The following MCM8 variants were observed in gnomAD, a reference collection of about 807,000 sequenced individuals.
MCM8 encodes the protein DNA helicase MCM8.
Under a neutral mutation model 98.9 loss-of-function variants are expected in MCM8, and 85 were observed. The observed-to-expected ratio is 0.86, with a 90% CI of 0.72 to 1.03. The LOEUF (loss-of-function observed/expected upper bound fraction) is 1.03, where lower values mean the gene tolerates loss of function less well. MCM8 is among the 50% of genes least tolerant of loss of function. The pLI is 0.00. For synonymous variants in MCM8, 352 were observed against 338.6 expected (o/e 1.04, Z -0.44); for missense variants, 951 against 997.8 (o/e 0.95, Z 0.63).
intron 10 of MCM8, among the ~76,000 whole-genome samples, chr20:5,970,619 A>G (rs78651512): frequency 6.6e-6 from 1 of 152,204 alleles, no homozygotes; most frequent in South Asian, 2.1e-4. Flanking sequence ...TGCAGATGCC[A>G]GTAGGAAGCC....
At chr20:5,956,349 A>C (rs902646938) in intron 5 of MCM8, among the ~76,000 whole-genome samples, 2 of 152,228 alleles carry the variant, frequency 1.3e-5, no homozygotes, top group East Asian at 3.8e-4. Context: ...ACAGCTGTAT[A>C]TATGCATCTT....
rs554755954 is a variant in MCM8, at chr20:5,995,829, A to G, written c.*1438A>G. ...AATGTGAACCATTGTTGGAGAATCT[A>G]CTAAAATACGGCTTCCCGCAAACGA... On this transcript the variant is annotated 3_prime_UTR_variant, in exon 19 of 19. Coordinates refer to ENST00000610722, the MANE Select transcript of MCM8 (RefSeq NM_032485.6). 6.6e-6 allele frequency: 1 copy of G among 152,376 alleles called. No individual in the cohort carries two copies. The highest frequency in any genetic ancestry group is 1.9e-4 in the East Asian group (1 of 5,188). 9.4% of individuals were successfully genotyped at this position (152,376 alleles called of 1,614,324 possible).
In MCM8 at chr20:5,981,339, G is replaced by T. The variant is rs900807781; in HGVS notation, c.1538-1631G>T. 4.6e-5 allele frequency among the ~76,000 whole-genome samples: 7 copies of T among 152,294 alleles called. No individual in the cohort carries two copies. In the East Asian group the frequency reaches 5.8e-4, roughly 13 times the overall value. On this transcript the variant is annotated intron_variant, in intron 13 of 18. Transcript: ENST00000610722. ...TACCACTGCTAGGATCTTAGCACAG[G>T]CAGGGAAGGCTCACTATGTCCCAGA...
In MCM8 at chr20:5,998,902, C is replaced by T. The variant is rs981528276; in HGVS notation, c.*4511C>T. ...AAAGGCAGAGTGCACCTATTGAATT[C>T]CATCATCAGTTTTTCTATACCATGG... On this transcript the variant is annotated 3_prime_UTR_variant, in exon 19 of 19. Transcript: ENST00000610722. 3 of 152,058 alleles carry T rather than the reference C, an allele frequency of 2.0e-5. No homozygotes were observed. Among genetic ancestry groups the T allele is most frequent in the African/African-American group, 7.2e-5 (3 of 41,394 alleles). 9.4% of individuals were successfully genotyped at this position (152,058 alleles called of 1,614,324 possible).
intron 10 of MCM8, 59 bp downstream of exon 10, chr20:5,968,084 C>A (rs1007868780): frequency 1.4e-6 from 2 of 1,456,762 alleles, no homozygotes; most frequent in Admixed American, 2.1e-5. Context: ...GTTCTCTTGG[C>A]TACAGGTAAC....
In MCM8 at chr20:5,984,920, G is replaced by A; in HGVS notation, c.1873G>A (p.Val625Ile). 1 of 1,614,148 alleles carries A rather than the reference G, an allele frequency of 6.2e-7. No homozygotes were observed. The highest frequency in any genetic ancestry group is 1.6e-4 in the Middle Eastern group (1 of 6,062). The stretch of plus-strand genomic sequence containing the variant: ...GCAGAGAACCATTAGCAGTGCCACA[G>A]TAGCTCGTATGAATAGTCAAGATTC... Reference protein sequence around the residue: ...GKQRTISSATVARMNSQDSNT... With the variant: ...GKQRTISSATIARMNSQDSNT... The change falls in exon 15 of 19, where the codon GTA becomes ATA. Residue 625 changes from valine (V) to isoleucine (I), a missense_variant. Coordinates refer to ENST00000610722, the MANE Select transcript of MCM8 (RefSeq NM_032485.6).
At chr20:5,973,943 C>G (rs2089457002) in intron 12 of MCM8, among the ~76,000 whole-genome samples, 1 of 152,114 alleles carries the variant, frequency 6.6e-6, no homozygotes, top group Admixed American at 6.5e-5. Flanking sequence ...GTGTGAGCCA[C>G]CACGCTCTGT....
At chr20:5,963,407 T>A (rs2040007102) in intron 8 of MCM8, 48 bp downstream of exon 8, 2 of 1,396,966 alleles carry the variant, frequency 1.4e-6, no homozygotes, top group South Asian at 2.3e-5. Flanking sequence ...GATGTCACAC[T>A]GTTGAGAAAA....
Position 5,950,780 on chromosome 20 carries a change from GT to G in MCM8, c.-246del, listed in dbSNP as rs2088799021. On this transcript the variant is annotated 5_prime_UTR_variant, in exon 1 of 19. Transcript: ENST00000610722. ...CTGGAAGCTGCGGTGGGGAAACTGAGTTTCCCGAGCCGTTGAGACAGATGGG... is the reference window on the plus strand; with the variant it reads ...CTGGAAGCTGCGGTGGGGAAACTGAGTTCCCGAGCCGTTGAGACAGATGGG... The G allele has an allele frequency of 5.9e-6, 1 of 169,764 alleles. No individual in the cohort carries two copies. Among genetic ancestry groups the G allele is most frequent in the Non-Finnish European group, 1.3e-5 (1 of 78,968 alleles). 10.5% of individuals were successfully genotyped at this position (169,764 alleles called of 1,614,324 possible).
intron 13 of MCM8, among the ~76,000 whole-genome samples, chr20:5,978,461 A>G (rs1279572296): frequency 6.6e-6 from 1 of 152,188 alleles, no homozygotes; most frequent in Non-Finnish European, 1.5e-5. Context: ...CGTTACTATG[A>G]TTTAGCTCTA....
In MCM8 at chr20:5,993,697, T is replaced by A. The variant is rs751693843; in HGVS notation, c.2430+2T>A. On this transcript the variant is annotated splice_donor_variant, in intron 18 of 18. Coordinates refer to ENST00000610722, the MANE Select transcript of MCM8 (RefSeq NM_032485.6). LOFTEE classifies it high-confidence loss of function. ...ATTGCCAAAGAACTAAACATTCAGGTATGTTAAACTAGTTAATCTCTTTTG... is the reference window on the plus strand; with the variant it reads ...ATTGCCAAAGAACTAAACATTCAGGAATGTTAAACTAGTTAATCTCTTTTG... 9.5e-6 allele frequency: 15 copies of A among 1,586,934 alleles called. No individual in the cohort carries two copies. Among genetic ancestry groups the A allele is most frequent in the Admixed American group, 8.7e-5 (5 of 57,552 alleles).
At chr20:5,962,407 G>A (rs531843640) in intron 7 of MCM8, among the ~76,000 whole-genome samples, 7 of 52,184 alleles carry the variant, frequency 1.3e-4, no homozygotes, top group East Asian at 9.1e-4. Context: ...TCGCTCTGTC[G>A]CCCAGGCCGG....
chr20:5,961,294 T>TGGATG (rs2089136593), intron 7 of MCM8, among the ~76,000 whole-genome samples: 1 of 152,232 alleles, frequency 6.6e-6, no homozygotes. Flanking sequence ...CTTGTTACCA[T>TGGATG]GGATGTATAA....
chr20:5,952,632 T>G, intron 3 of MCM8, 104 bp downstream of exon 3: 1 of 906,144 alleles, frequency 1.1e-6, no homozygotes, highest in Non-Finnish European at 1.7e-6. Flanking sequence ...AACATATACC[T>G]GCTTTAATCT....
At chr20:5,993,717 C>T (rs2039935677) in intron 18 of MCM8, 22 bp downstream of exon 18, 7 of 1,528,666 alleles carry the variant, frequency 4.6e-6, no homozygotes, top group Middle Eastern at 2.0e-4. Context: ...TAGTTAATCT[C>T]TTTTGTAATA....
chr20:5,960,651 T>C (rs1568573532), intron 7 of MCM8, among the ~76,000 whole-genome samples: 1 of 152,214 alleles, frequency 6.6e-6, no homozygotes, highest in Non-Finnish European at 1.5e-5. Context: ...GAAGCCGTTC[T>C]TCGGCTGGGC....
intron 6 of MCM8, 138 bp downstream of exon 6, chr20:5,957,367 C>A: frequency 1.8e-6 from 1 of 551,474 alleles, no homozygotes; most frequent in Non-Finnish European, 3.2e-6. Context: ...GATCATCACA[C>A]TGAAATAAAC....
chr20:5,984,456 A>G (rs1159502966), intron 14 of MCM8, among the ~76,000 whole-genome samples: 1 of 152,230 alleles, frequency 6.6e-6, no homozygotes. Flanking sequence ...TATCATGAAC[A>G]AAATACTGAA....
intron 8 of MCM8, among the ~76,000 whole-genome samples, chr20:5,966,039 A>C (rs1293901194): frequency 1.3e-5 from 2 of 152,094 alleles, no homozygotes; most frequent in East Asian, 3.9e-4. Flanking sequence ...AAGCCCTTGC[A>C]TGTCTGAAAA....
Sources: gnomAD v4.1 joint callset for allele counts (sites outside exome capture counted in the v4.1 genomes callset) on GRCh38, gnomAD v4.1.1 for gene constraint, MANE v1.5 for transcripts, NCBI Gene and HGNC (gene_info 2026-07-23, HGNC 2026-07-21) for gene names.